The following BRINP3 variants were observed in gnomAD, a reference collection of about 807,000 sequenced individuals.
BRINP3 encodes BMP/retinoic acid-inducible neural-specific protein 3.
In BRINP3, 19 loss-of-function variants were observed where a neutral mutation model predicts 71.0. The observed-to-expected ratio is 0.27, with a 90% confidence interval of 0.19 to 0.39. The LOEUF is 0.39. Ranked by LOEUF, BRINP3 falls within the 10% of genes least tolerant of loss-of-function variation. The pLI, the probability that BRINP3 is intolerant of heterozygous loss-of-function variation, is 1.00. For synonymous variants in BRINP3, 380 were observed against 337.7 expected (o/e 1.13, Z -1.37); for missense variants, 959 against 940.8 (o/e 1.02, Z -0.25).
intron 4 of BRINP3, among the ~76,000 whole-genome samples, chr1:190,253,604 C>T (rs189313031): frequency 4.6e-5 from 7 of 152,114 alleles, no homozygotes; most frequent in East Asian, 3.9e-4. Flanking sequence ...TATCCTTGGC[C>T]GAGTTTTTGA....
At chr1:190,158,649 A>C (rs181198797) in intron 7 of BRINP3, among the ~76,000 whole-genome samples, 143 of 152,206 alleles carry the variant, frequency 9.4e-4, no homozygotes, top group African/African-American at 2.6e-3. Flanking sequence ...TTATTCCCAA[A>C]AGGTGAAAAT....
intron 1 of BRINP3, among the ~76,000 whole-genome samples, chr1:190,458,271 TA>T (rs1676143327): frequency 6.6e-6 from 1 of 152,144 alleles, no homozygotes; most frequent in African/African-American, 2.4e-5. Context: ...GGTGATATCC[TA>T]AAATCATTGT....
chr1:190,306,341 T>C (rs974963792), intron 2 of BRINP3, among the ~76,000 whole-genome samples: 1 of 151,834 alleles, frequency 6.6e-6, no homozygotes. Flanking sequence ...AAAAGGAGTA[T>C]CTGAATTTAA....
intron 7 of BRINP3, among the ~76,000 whole-genome samples, chr1:190,123,286 C>A (rs531168003): frequency 7.9e-5 from 12 of 152,224 alleles, no homozygotes; most frequent in African/African-American, 2.9e-4. Context: ...CCTGTGTGAA[C>A]TGGAGGCAAA....
At chr1:190,152,491 AATATAT>A (rs141753835) in intron 7 of BRINP3, among the ~76,000 whole-genome samples, 1 of 141,730 alleles carries the variant, frequency 7.1e-6, no homozygotes. Flanking sequence ...TACATGCACA[AATATAT>A]ATATATATAT....
rs1462939087 is a variant in BRINP3, at chr1:190,318,730, C to T, written c.237-36980G>A. Among the ~76,000 whole-genome samples, 4 of 151,930 alleles carry T rather than the reference C, an allele frequency of 2.6e-5. No homozygotes were observed. In the East Asian group the frequency reaches 5.8e-4, roughly 22 times the overall value. On this transcript the variant is annotated intron_variant, in intron 2 of 7. Coordinates refer to ENST00000367462, the MANE Select transcript of BRINP3 (RefSeq NM_199051.3). ...AGCTGGGACATACTCCTGACTGGTT[C>T]CTCATCCCTAAAATGATTATATCAG...
At chr1:190,266,561 G>C (rs899055112) in intron 3 of BRINP3, among the ~76,000 whole-genome samples, 1 of 152,106 alleles carries the variant, frequency 6.6e-6, no homozygotes, top group Non-Finnish European at 1.5e-5. Context: ...CTTTGGAGTA[G>C]AGGCAGCTAA....
chr1:190,352,139 G>C (rs1668429139), intron 2 of BRINP3, among the ~76,000 whole-genome samples: 1 of 152,034 alleles, frequency 6.6e-6, no homozygotes, highest in East Asian at 1.9e-4. Context: ...AAAAAAATTT[G>C]TGTAGAAAAA....
chr1:190,423,838 T>G (rs1673534012), intron 2 of BRINP3, among the ~76,000 whole-genome samples: 1 of 151,822 alleles, frequency 6.6e-6, no homozygotes, highest in East Asian at 1.9e-4. Context: ...GTTTTTGTTT[T>G]ACATTACATT....
At chr1:190,106,303 T>C (rs1459787134) in intron 7 of BRINP3, among the ~76,000 whole-genome samples, 2 of 151,716 alleles carry the variant, frequency 1.3e-5, no homozygotes, top group Non-Finnish European at 2.9e-5. Context: ...ATATAACATA[T>C]GTTTATTTCA....
In BRINP3 at chr1:190,098,717, G is replaced by A. The variant is rs1465990357; in HGVS notation, c.1602C>T (p.Leu534=). The part of the protein sequence containing the change: ...WFDPSWRKRM[L]LTLKSNKYKS... The stretch of plus-strand genomic sequence containing the variant: ...TGTACTTATTGCTCTTCAAGGTGAG[G>A]AGCATCCGCTTACGCCAGGAGGGAT... The change falls in exon 8 of 8, where the codon CTC becomes CTT. Residue 534 remains leucine, a synonymous_variant. Transcript: ENST00000367462. The A allele has an allele frequency of 2.5e-6, 4 of 1,614,186 alleles. No individual in the cohort carries two copies. The highest frequency in any genetic ancestry group is 2.2e-5 in the East Asian group (1 of 44,868).
chr1:190,250,284 T>G (rs1386592408), intron 4 of BRINP3, among the ~76,000 whole-genome samples: 2 of 151,990 alleles, frequency 1.3e-5, no homozygotes, highest in Non-Finnish European at 2.9e-5. Context: ...ACTAATTATT[T>G]CTTAAACCTA....
chr1:190,354,032 T>C (rs1162002865), intron 2 of BRINP3, among the ~76,000 whole-genome samples: 1 of 151,974 alleles, frequency 6.6e-6, no homozygotes, highest in Non-Finnish European at 1.5e-5. Flanking sequence ...AACAAGCCAC[T>C]TAAACACTCT....
intron 6 of BRINP3, among the ~76,000 whole-genome samples, chr1:190,170,666 G>A (rs1236161678): frequency 6.6e-6 from 1 of 152,150 alleles, no homozygotes; most frequent in Non-Finnish European, 1.5e-5. Flanking sequence ...AGATAAAAAT[G>A]TAGATACATT....
chr1:190,180,867 CAT>C (rs1446867649), intron 6 of BRINP3, among the ~76,000 whole-genome samples: 2 of 151,972 alleles, frequency 1.3e-5, no homozygotes, highest in African/African-American at 4.8e-5. Flanking sequence ...AAAGTACAGA[CAT>C]AATCCTCTGT....
chr1:190,313,046 T>G (rs1665641368), intron 2 of BRINP3, among the ~76,000 whole-genome samples: 1 of 151,912 alleles, frequency 6.6e-6, no homozygotes, highest in African/African-American at 2.4e-5. Context: ...ACAAATTACT[T>G]TTAACCAATA....
intron 6 of BRINP3, among the ~76,000 whole-genome samples, chr1:190,190,320 A>C (rs1460668377): frequency 1.3e-5 from 2 of 152,092 alleles, no homozygotes; most frequent in Non-Finnish European, 2.9e-5. Context: ...CTCCCGTTTC[A>C]CACAGGACTG....
intron 7 of BRINP3, among the ~76,000 whole-genome samples, chr1:190,140,452 C>T (rs1189455371): frequency 6.6e-6 from 1 of 151,960 alleles, no homozygotes; most frequent in African/African-American, 2.4e-5. Flanking sequence ...TTTACTTAAC[C>T]ACACTGTATG....
intron 2 of BRINP3, among the ~76,000 whole-genome samples, chr1:190,365,833 T>C (rs1019206125): frequency 4.9e-4 from 67 of 135,438 alleles, no homozygotes; most frequent in Middle Eastern, 3.9e-3. Context: ...TATATATATA[T>C]ATACACACAC....
Sources: gnomAD v4.1 joint callset for allele counts (sites outside exome capture counted in the v4.1 genomes callset) on GRCh38, gnomAD v4.1.1 for gene constraint, MANE v1.5 for transcripts, NCBI Gene and HGNC (gene_info 2026-07-23, HGNC 2026-07-21) for gene names.